Variants in TOLLIP observed in about 807,000 individuals in gnomAD.
The protein encoded by TOLLIP is toll interacting protein, also known as toll-interacting protein.
In TOLLIP, 16 loss-of-function variants were observed where a neutral mutation model predicts 33.5. That is an observed-to-expected ratio of 0.48 (90% CI 0.32 to 0.72). The LOEUF (loss-of-function observed/expected upper bound fraction) is 0.72. TOLLIP is among the 30% of genes least tolerant of loss of function. The pLI, the probability that TOLLIP is intolerant of heterozygous loss-of-function variation, is 0.03. For missense variants in TOLLIP, 325 were observed against 396.6 expected (o/e 0.82, Z 1.53); for synonymous variants, 176 against 163.7 (o/e 1.07, Z -0.57).
rs761872443 is a variant in TOLLIP, at chr11:1,309,590, T to G, written c.-92A>C. 125 of 602,754 alleles carry G rather than the reference T, an allele frequency of 2.1e-4. No homozygotes were observed. The highest frequency in any genetic ancestry group is 2.7e-4 in the Non-Finnish European group (115 of 419,888). The allele number at this position is 602,754 out of a possible 1,614,324, so 37.3% of individuals were successfully genotyped here. A position where few individuals can be genotyped will look rare whatever the true frequency, so the allele number is the denominator to read the frequency against. The stretch of plus-strand genomic sequence containing the variant: ...CGCCGGAGCCTGCGACGGAGACAGT[T>G]GTCACCTCGAGGCCGCCGCCGCCAC... On this transcript the variant is annotated 5_prime_UTR_variant, in exon 1 of 6. Transcript: ENST00000317204.
At chr11:1,298,781 G>A (rs961821796) in intron 1 of TOLLIP, among the ~76,000 whole-genome samples, 3 of 152,170 alleles carry the variant, frequency 2.0e-5, no homozygotes, top group Non-Finnish European at 4.4e-5. Flanking sequence ...GGGCAGGTGC[G>A]CGTCCAGCTC....
intron 2 of TOLLIP, among the ~76,000 whole-genome samples, chr11:1,293,395 C>T (rs189127265): frequency 2.5e-4 from 38 of 152,286 alleles, no homozygotes; most frequent in African/African-American, 7.9e-4. Context: ...CAGAAGTCAC[C>T]GGGATGTGTG....
intron 1 of TOLLIP, among the ~76,000 whole-genome samples, chr11:1,309,181 G>A (rs888699147): frequency 6.6e-6 from 1 of 152,148 alleles, no homozygotes; most frequent in Non-Finnish European, 1.5e-5. Flanking sequence ...CTCCATCTGG[G>A]GCTCACAACG....
intron 2 of TOLLIP, among the ~76,000 whole-genome samples, chr11:1,294,017 C>T (rs937655968): frequency 2.6e-5 from 4 of 152,278 alleles, no homozygotes; most frequent in African/African-American, 9.6e-5. Flanking sequence ...GTGAGGTCCA[C>T]GGCGATTCTT....
Position 1,287,805 on chromosome 11 carries a change from CCCCGCCGCAG to C in TOLLIP, c.519+809_519+818del. ...CGCCGCACCCTCCCTGCCGCAGCCT[CCCCGCCGCAG>C]CCTCCCCGCCGCACCCTCCCCGCCG... On this transcript the variant is annotated intron_variant, in intron 4 of 5. Coordinates refer to ENST00000317204, the MANE Select transcript of TOLLIP (RefSeq NM_019009.4). Among the ~76,000 whole-genome samples, 2 of 49,738 alleles carry C rather than the reference CCCCGCCGCAG, an allele frequency of 4.0e-5. 1 individual carries two copies. The highest frequency in any genetic ancestry group is 7.8e-5 in the Non-Finnish European group (2 of 25,478). The allele number at this position is 49,738 out of a possible 152,430, so 32.6% of individuals were successfully genotyped here.
intron 1 of TOLLIP, among the ~76,000 whole-genome samples, chr11:1,299,703 A>G (rs910707826): frequency 1.3e-5 from 2 of 152,236 alleles, no homozygotes; most frequent in African/African-American, 4.8e-5. Flanking sequence ...GTTCAACACT[A>G]ACAAGTCTAA....
Position 1,303,260 on chromosome 11 carries a change from G to A in TOLLIP, c.33+6206C>T, listed in dbSNP as rs1469061331. 2.0e-5 allele frequency among the ~76,000 whole-genome samples: 3 copies of A among 152,142 alleles called. No homozygotes were observed. Among genetic ancestry groups the A allele is most frequent in the Non-Finnish European group, 2.9e-5 (2 of 68,036 alleles). The stretch of plus-strand genomic sequence containing the variant: ...CTAAGTGCTGGGACGGTCAAGCAAG[G>A]CAGAGGCGGAAAACCCCTTCTCATT... On this transcript the variant is annotated intron_variant, in intron 1 of 5. Coordinates refer to ENST00000317204, the MANE Select transcript of TOLLIP (RefSeq NM_019009.4). This position sits in a 1 kb window ranked among gnomAD's most constrained non-coding sequence, Gnocchi z 4.2.
At position 1,277,894 on chromosome 11, in the gene TOLLIP, A is replaced by G. The variant is rs558673429; in HGVS notation, c.611-641T>C. On this transcript the variant is annotated intron_variant, in intron 5 of 5. Coordinates refer to ENST00000317204, the MANE Select transcript of TOLLIP (RefSeq NM_019009.4). This position sits in a 1 kb window ranked among gnomAD's most constrained non-coding sequence, Gnocchi z 4.2. ...AAACTACACCAAGAAAATGCTCACA[A>G]AACTCAAACAAGTGGGGCAGCAGGT... Among the ~76,000 whole-genome samples the G allele has an allele frequency of 6.6e-6, 1 of 152,244 alleles. No homozygotes were observed. The highest frequency in any genetic ancestry group is 2.4e-5 in the African/African-American group (1 of 41,530).
chr11:1,276,584 C>T lies in TOLLIP; in HGVS notation c.*455G>A, dbSNP rs375452637. 6 of 1,083,842 alleles carry T rather than the reference C, an allele frequency of 5.5e-6. No individual in the cohort carries two copies. Among genetic ancestry groups the T allele is most frequent in the East Asian group, 5.9e-5 (1 of 16,846 alleles). 67.1% of individuals were successfully genotyped at this position (1,083,842 alleles called of 1,614,324 possible). The stretch of plus-strand genomic sequence containing the variant: ...GCGTTAGGGCAAGGGCGTGAGTTTT[C>T]GTCTGGGAAGTTCTAAAAAAAACCC... On this transcript the variant is annotated 3_prime_UTR_variant, in exon 6 of 6. Transcript: ENST00000317204.
At chr11:1,305,865 G>A (rs983644544) in intron 1 of TOLLIP, 3 of 151,958 alleles carry the variant, frequency 2.0e-5, no homozygotes, top group African/African-American at 7.3e-5. Flanking sequence ...GGTGGCTGCA[G>A]CGGAGTCTCC....
intron 5 of TOLLIP, among the ~76,000 whole-genome samples, chr11:1,279,824 A>G (rs948131395): frequency 1.3e-5 from 2 of 152,236 alleles, no homozygotes; most frequent in African/African-American, 4.8e-5. Flanking sequence ...ACCACGCAGC[A>G]TGGTAAGTCC....
At chr11:1,297,814 G>A (rs190291294) in intron 1 of TOLLIP, among the ~76,000 whole-genome samples, 4 of 152,352 alleles carry the variant, frequency 2.6e-5, no homozygotes, top group Non-Finnish European at 4.4e-5. Flanking sequence ...AGCCTCTCTC[G>A]AGGCGCTGTA....
intron 1 of TOLLIP, among the ~76,000 whole-genome samples, chr11:1,309,193 G>T (rs1864516477): frequency 6.6e-6 from 1 of 152,178 alleles, no homozygotes; most frequent in Non-Finnish European, 1.5e-5. Context: ...CTCACAACGG[G>T]CGCAGGCCCC....
chr11:1,295,808 G>C lies in TOLLIP; in HGVS notation c.34-14C>G, dbSNP rs1864096703. ...ACCGATGTACACCTGCGGGGCCGGG[G>C]ACCAGAGAGGCCAGTGAGTCAGGGT... On this transcript the variant is annotated splice_polypyrimidine_tract_variant and intron_variant, in intron 1 of 5. Transcript: ENST00000317204. 1.3e-6 allele frequency: 2 copies of C among 1,540,896 alleles called. No homozygotes were observed. Among genetic ancestry groups the C allele is most frequent in the African/African-American group, 2.7e-5 (2 of 73,094 alleles).
chr11:1,295,649 A>T lies in TOLLIP; in HGVS notation c.179T>A (p.Val60Glu). 1 of 1,572,726 alleles carries T rather than the reference A, an allele frequency of 6.4e-7. No individual in the cohort carries two copies. The highest frequency in any genetic ancestry group is 8.7e-7 in the Non-Finnish European group (1 of 1,152,106). Residue 60 changes from valine to glutamate, a missense_variant, in exon 2 of 6, where the codon GTA (valine) becomes GAA (glutamate). By Grantham distance (121) the Val-to-Glu change is moderately radical (BLOSUM62 -2). Transcript: ENST00000317204. ...GGAGGGTGCCCCAAGGCCCACCTGT[A>T]CCACCGTGATGTTCAGTCGGCCCAC... ...GTVGRLNITV[V>E]QAKLAKNYGM...
chr11:1,288,472 G>A, intron 4 of TOLLIP, 152 bp downstream of exon 4: 1 of 939,962 alleles, frequency 1.1e-6, no homozygotes, highest in Non-Finnish European at 1.5e-6. Context: ...AACCACCCAG[G>A]GCCCCTGCCC....
At chr11:1,302,948 C>A (rs1864325412) in intron 1 of TOLLIP, among the ~76,000 whole-genome samples, 1 of 152,166 alleles carries the variant, frequency 6.6e-6, no homozygotes, top group Non-Finnish European at 1.5e-5. Context: ...CTCTTCCTAT[C>A]ACCCCCTCCC....
rs377687186 is a variant in TOLLIP at position 1,287,843 on chromosome 11, G to C, written c.519+781C>G. On this transcript the variant is annotated intron_variant, in intron 4 of 5. Transcript: ENST00000317204. ...TCCCCGCCGCACCCTCCCCGCCGCA[G>C]CCTCCCTGCCGCACCCTCTCTGCTG... Among the ~76,000 whole-genome samples, 17 of 85,124 alleles carry C rather than the reference G, an allele frequency of 2.0e-4. 3 individuals are homozygous for C. Among genetic ancestry groups the C allele is most frequent in the South Asian group, 1.5e-3 (3 of 2,012 alleles). 55.8% of individuals were successfully genotyped at this position (85,124 alleles called of 152,430 possible). A position where few individuals can be genotyped will look rare whatever the true frequency, so the allele number is the denominator to read the frequency against.
At chr11:1,280,037 G>A (rs1392231800) in intron 5 of TOLLIP, among the ~76,000 whole-genome samples, 2 of 152,204 alleles carry the variant, frequency 1.3e-5, no homozygotes, top group African/African-American at 2.4e-5. Flanking sequence ...GAAAACCTAC[G>A]TGATTCTTTG....
Sources: gnomAD v4.1 joint callset for allele counts (sites outside exome capture counted in the v4.1 genomes callset) on GRCh38, gnomAD v4.1.1 for gene constraint, Gnocchi (gnomAD v3.1) non-coding constraint, MANE v1.5 for transcripts, NCBI Gene and HGNC (gene_info 2026-07-23, HGNC 2026-07-21) for gene names.